CENPK: variants seen among roughly 807,000 people sequenced by gnomAD.
CENPK encodes the protein centromere protein K, also known as SoxLZ/Sox6-binding protein Solt.
In CENPK, 46 loss-of-function variants were observed where a neutral mutation model predicts 40.9. The observed-to-expected ratio is 1.13, with a 90% CI of 0.89 to 1.44. The LOEUF is 1.44. CENPK is among the 40% of genes most tolerant of loss of function. The pLI, the probability that CENPK is intolerant of heterozygous loss-of-function variation, is 0.00. For synonymous variants in CENPK, 107 were observed against 104.4 expected (o/e 1.02, Z -0.15); for missense variants, 288 against 303.5 (o/e 0.95, Z 0.38).
intron 6 of CENPK, among the ~76,000 whole-genome samples, chr5:65,533,583 A>G (rs1200867352): frequency 6.6e-6 from 1 of 152,104 alleles, no homozygotes; most frequent in East Asian, 1.9e-4. Context: ...GGACAGCAAA[A>G]TAACCCCCCA....
chr5:65,551,450 A>C, intron 5 of CENPK, 114 bp downstream of exon 5: 1 of 574,276 alleles, frequency 1.7e-6, no homozygotes, highest in Admixed American at 3.6e-5. Context: ...GTATCAATGA[A>C]ATTTGGGCAA....
intron 3 of CENPK, among the ~76,000 whole-genome samples, chr5:65,554,281 A>T (rs1235333021): frequency 6.6e-6 from 1 of 152,022 alleles, no homozygotes; most frequent in Non-Finnish European, 1.5e-5. Flanking sequence ...CCACCCGAGT[A>T]GCTGAGACTA....
At chr5:65,543,820 T>C (rs564778264) in intron 5 of CENPK, among the ~76,000 whole-genome samples, 10 of 152,334 alleles carry the variant, frequency 6.6e-5, no homozygotes, top group African/African-American at 2.4e-4. Flanking sequence ...ATGTGTACTT[T>C]GAATCTGAAT....
intron 6 of CENPK, among the ~76,000 whole-genome samples, chr5:65,541,769 C>T (rs1204420107): frequency 6.6e-6 from 1 of 152,178 alleles, no homozygotes; most frequent in Non-Finnish European, 1.5e-5. Flanking sequence ...AAAATTCTTC[C>T]TTCTACTACT....
chr5:65,505,048 C>T, the CENPK span, among the ~76,000 whole-genome samples: 4 of 152,092 alleles, frequency 2.6e-5, no homozygotes, highest in Admixed American at 1.3e-4. Flanking sequence ...CTGCCTTAGC[C>T]TCTCAATTAG....
chr5:65,543,851 C>T (rs1221174626), intron 5 of CENPK, among the ~76,000 whole-genome samples: 1 of 152,136 alleles, frequency 6.6e-6, no homozygotes, highest in Non-Finnish European at 1.5e-5. Flanking sequence ...AGCTTCCTTT[C>T]TAAAGACATT....
At chr5:65,561,980 A>G (rs937624192) in intron 1 of CENPK, among the ~76,000 whole-genome samples, 2 of 152,180 alleles carry the variant, frequency 1.3e-5, no homozygotes, top group African/African-American at 4.8e-5. Context: ...ATATAAATGA[A>G]TGGATAACTA....
chr5:65,552,352 TAAG>T (rs1750229250), intron 4 of CENPK, 138 bp downstream of exon 4: 1 of 463,492 alleles, frequency 2.2e-6, no homozygotes, highest in African/African-American at 2.0e-5. Context: ...GCAGGAAGAG[TAAG>T]AAGTTTTCCA....
intron 5 of CENPK, chr5:65,550,821 T>C (rs893042494): frequency 6.5e-6 from 1 of 152,904 alleles, no homozygotes; most frequent in African/African-American, 2.4e-5. Flanking sequence ...TATGCTGTCT[T>C]CTACTTCCTA....
intron 9 of CENPK, among the ~76,000 whole-genome samples, chr5:65,525,365 C>CAA (rs61483688): frequency 7.3e-6 from 1 of 137,566 alleles, no homozygotes; most frequent in African/African-American, 2.7e-5. Flanking sequence ...GATTCCATCT[C>CAA]AAAAAAAAAA....
the CENPK span, among the ~76,000 whole-genome samples, chr5:65,503,892 G>A: frequency 1.3e-5 from 2 of 151,546 alleles, no homozygotes; most frequent in African/African-American, 4.8e-5. Context: ...TCCTGACCTC[G>A]TGATCCGCCC....
At chr5:65,549,213 T>C (rs1247432220) in intron 5 of CENPK, among the ~76,000 whole-genome samples, 1 of 152,194 alleles carries the variant, frequency 6.6e-6, no homozygotes. Flanking sequence ...GAATCTTTTT[T>C]TTTTTCCTGA....
chr5:65,554,285 G>A (rs999890850), intron 3 of CENPK, among the ~76,000 whole-genome samples: 2 of 152,024 alleles, frequency 1.3e-5, no homozygotes, highest in African/African-American at 4.8e-5. Flanking sequence ...CCGAGTAGCT[G>A]AGACTAAAGG....
chr5:65,553,357 C>CAA (rs112109997), intron 3 of CENPK, among the ~76,000 whole-genome samples: 18 of 134,120 alleles, frequency 1.3e-4, no homozygotes, highest in East Asian at 2.1e-4. Context: ...GCTGATCAGC[C>CAA]AAAAAAAAAA....
At chr5:65,500,827 T>A in the CENPK span, among the ~76,000 whole-genome samples, 1 of 152,096 alleles carries the variant, frequency 6.6e-6, no homozygotes, top group African/African-American at 2.4e-5. Context: ...CATGCCCAGC[T>A]AATTTTTGTA....
the CENPK span, among the ~76,000 whole-genome samples, chr5:65,500,829 ATTTTTGTAT>A: frequency 6.6e-6 from 1 of 150,896 alleles, no homozygotes; most frequent in African/African-American, 2.4e-5. Context: ...TGCCCAGCTA[ATTTTTGTAT>A]TTTTTGTATT....
At chr5:65,527,537 A>G (rs1744936672) in intron 9 of CENPK, among the ~76,000 whole-genome samples, 5 of 73,862 alleles carry the variant, frequency 6.8e-5, no homozygotes, top group Non-Finnish European at 9.3e-5. Flanking sequence ...ATATATATAT[A>G]TATATATATA....
intron 5 of CENPK, among the ~76,000 whole-genome samples, chr5:65,548,757 G>A (rs957776328): frequency 2.0e-5 from 3 of 152,100 alleles, no homozygotes; most frequent in African/African-American, 7.2e-5. Flanking sequence ...CTCCTCATCT[G>A]TTCAAGTTTT....
chr5:65,549,926 T>C (rs1749671070), intron 5 of CENPK, among the ~76,000 whole-genome samples: 1 of 152,136 alleles, frequency 6.6e-6, no homozygotes, highest in African/African-American at 2.4e-5. Context: ...TCCTGCACTT[T>C]GGGAGACTGA....
Sources: allele counts gnomAD v4.1 joint callset (sites outside exome capture counted in the v4.1 genomes callset), GRCh38; gene constraint gnomAD v4.1.1; transcripts MANE v1.5; gene names NCBI Gene and HGNC (gene_info 2026-07-23, HGNC 2026-07-21).